FMO5: variants seen among roughly 807,000 people sequenced by gnomAD.
FMO5 encodes the protein flavin-containing monooxygenase 5.
In FMO5, 51 loss-of-function variants were observed where a neutral mutation model predicts 43.6. The observed-to-expected ratio is 1.17, with a 90% CI of 0.93 to 1.48. The LOEUF is 1.48. Ranked by LOEUF, FMO5 falls within the 40% of genes most tolerant of loss-of-function variation. The pLI is 0.00. For missense variants in FMO5, 644 were observed against 643.0 expected (o/e 1.00, Z -0.02); for synonymous variants, 187 against 216.5 (o/e 0.86, Z 1.20).
chr1:147,193,188 C>G lies in FMO5; in HGVS notation c.1184-2939G>C, dbSNP rs587720624. On this transcript the variant is annotated intron_variant, in intron 7 of 8. Transcript: ENST00000254090. ...ATTGATTATTGCCACAATTTCAGAGCCTGTTATTGGTCTATTCAGAGATTC... is the reference window on the plus strand; with the variant it reads ...ATTGATTATTGCCACAATTTCAGAGGCTGTTATTGGTCTATTCAGAGATTC... 8.9e-4 allele frequency among the ~76,000 whole-genome samples: 135 copies of G among 152,178 alleles called. 1 individual carries two copies. Among genetic ancestry groups the G allele is most frequent in the African/African-American group, 2.8e-3 (118 of 41,502 alleles).
chr1:147,198,872 A>AAAAAAAAAAG (rs1553920319), intron 7 of FMO5, among the ~76,000 whole-genome samples: 14 of 144,668 alleles, frequency 9.7e-5, no homozygotes, highest in African/African-American at 3.4e-4. Context: ...AAAAAAAAAA[A>AAAAAAAAAAG]AAAGAAAGAA....
At chr1:147,207,055 A>G (rs1326620608) in intron 6 of FMO5, among the ~76,000 whole-genome samples, 3 of 151,996 alleles carry the variant, frequency 2.0e-5, no homozygotes, top group African/African-American at 4.8e-5. Context: ...AAAAAATACT[A>G]TTAGGGCAAC....
At chr1:147,220,575 A>G (rs975318038) in intron 2 of FMO5, among the ~76,000 whole-genome samples, 2 of 152,246 alleles carry the variant, frequency 1.3e-5, no homozygotes, top group East Asian at 3.8e-4. Flanking sequence ...GCAACTTTAC[A>G]GTGTGGCAAA....
At chr1:147,191,757 T>G (rs587765727) in intron 7 of FMO5, among the ~76,000 whole-genome samples, 1 of 152,182 alleles carries the variant, frequency 6.6e-6, no homozygotes, top group South Asian at 2.1e-4. Context: ...GCACCATTTA[T>G]TAAATAGGGA....
Position 147,190,247 on chromosome 1 carries a change from G to T in FMO5, c.1186C>A (p.Leu396Ile). ...TCACTCTGTGAGGGCAATGTCTTTA[G>T]ACCTAAAAACAAAAATTAACATTTT... is the stretch of plus-strand genomic sequence containing the variant. ...GRWATQVFKG[L>I]KTLPSQSEMM... Residue 396 changes from leucine (L) to isoleucine (I), a missense_variant and splice_region_variant, in exon 8 of 9, where the codon CTA (leucine) becomes ATA (isoleucine). Leu to Ile is a conservative substitution (Grantham distance 5). Transcript: ENST00000254090. 6.3e-7 allele frequency: 1 copy of T among 1,599,904 alleles called. No homozygotes were observed. The highest frequency in any genetic ancestry group is 8.5e-7 in the Non-Finnish European group (1 of 1,170,026).
At position 147,213,216 on chromosome 1, in the gene FMO5, A is replaced by G. The variant is rs781371315; in HGVS notation, c.487+92T>C. On this transcript the variant is annotated intron_variant, in intron 4 of 8. Coordinates refer to ENST00000254090, the MANE Select transcript of FMO5 (RefSeq NM_001461.4). The stretch of plus-strand genomic sequence containing the variant: ...TAGGATAAGTCTTACTTCATTCCAA[A>G]GTAGGAATTACTCAGACCACAATCC... The G allele has an allele frequency of 1.2e-5, 12 of 1,033,388 alleles. No homozygotes were observed. The Admixed American group carries it at 1.4e-4, about 12-fold the overall frequency. 64.0% of individuals were successfully genotyped at this position (1,033,388 alleles called of 1,614,324 possible). A position where few individuals can be genotyped will look rare whatever the true frequency, so the allele number is the denominator to read the frequency against.
At chr1:147,216,727 T>A (rs1487520948) in intron 2 of FMO5, among the ~76,000 whole-genome samples, 1 of 152,202 alleles carries the variant, frequency 6.6e-6, no homozygotes, top group Non-Finnish European at 1.5e-5. Context: ...AAGTATGGTC[T>A]GTAGACTAGC....
chr1:147,200,357 G>T (rs1188127657), intron 7 of FMO5, among the ~76,000 whole-genome samples: 2 of 151,848 alleles, frequency 1.3e-5, no homozygotes, highest in Non-Finnish European at 2.9e-5. Context: ...TCTCTCTCCG[G>T]CTTTTTCAGT....
chr1:147,202,797 C>A lies in FMO5; in HGVS notation c.831-1293G>T, dbSNP rs80153696. Among the ~76,000 whole-genome samples the A allele has an allele frequency of 8.3e-3, 1,263 of 152,224 alleles. 22 individuals are homozygous for A. Among genetic ancestry groups the A allele is most frequent in the African/African-American group, 0.029 (1,223 of 41,522 alleles). ...TCATGATTTCATCTTTTTCTCCAAA[C>A]CTACTCCTTTTCACCAGCAGTACCA... On this transcript the variant is annotated intron_variant, in intron 6 of 8. Coordinates refer to ENST00000254090, the MANE Select transcript of FMO5 (RefSeq NM_001461.4).
chr1:147,204,375 T>C (rs1256145202), intron 6 of FMO5: 5 of 1,039,568 alleles, frequency 4.8e-6, no homozygotes, highest in African/African-American at 3.1e-5. Flanking sequence ...TAGATACGCA[T>C]GCCTGAACAA....
chr1:147,187,178 A>T lies in FMO5; in HGVS notation c.1324T>A (p.Leu442Met), dbSNP rs1287447390. Residue 442 changes from leucine to methionine, a missense_variant, in exon 9 of 9, where the codon TTG becomes ATG. By Grantham distance (15) the Leu-to-Met change is conservative. Coordinates refer to ENST00000254090, the MANE Select transcript of FMO5 (RefSeq NM_001461.4). ...AGCAGATTGGGCCTGACCCCCACCA[A>T]ATCAGCAAGCTCTTCCATGGTATCT... The part of the protein sequence containing the change: ...YIDTMEELAD[L>M]VGVRPNLLSL... 1 of 1,614,014 alleles carries T rather than the reference A, an allele frequency of 6.2e-7. No homozygotes were observed. Among genetic ancestry groups the T allele is most frequent in the Admixed American group, 1.7e-5 (1 of 59,998 alleles).
At chr1:147,207,792 C>G (rs1401456157) in intron 6 of FMO5, among the ~76,000 whole-genome samples, 2 of 152,146 alleles carry the variant, frequency 1.3e-5, no homozygotes, top group Non-Finnish European at 2.9e-5. Context: ...AAATCCCACC[C>G]TTAGGGCAAA....
chr1:147,225,339 C>G lies in FMO5; in HGVS notation c.-90G>C, dbSNP rs1389240119. ...CTTCAGCTGCGATCTGGAGGAGACT[C>G]AACAGGCGGCTGTTGTCAAATTACT... On this transcript the variant is annotated 5_prime_UTR_variant, in exon 1 of 9. Transcript: ENST00000254090. The G allele has an allele frequency of 5.7e-6, 2 of 349,344 alleles. No individual in the cohort carries two copies. The highest frequency in any genetic ancestry group is 1.0e-5 in the Non-Finnish European group (2 of 196,672). 21.6% of individuals were successfully genotyped at this position (349,344 alleles called of 1,614,324 possible).
chr1:147,204,394 GC>G, intron 6 of FMO5: 1 of 1,098,742 alleles, frequency 9.1e-7, no homozygotes, highest in Non-Finnish European at 1.4e-6. Context: ...AATAAGCTTG[GC>G]CAGAAATACT....
At chr1:147,191,860 A>G (rs1411855811) in intron 7 of FMO5, among the ~76,000 whole-genome samples, 1 of 152,006 alleles carries the variant, frequency 6.6e-6, no homozygotes, top group Non-Finnish European at 1.5e-5. Flanking sequence ...GTCCTGTTCC[A>G]TTGATCTATA....
chr1:147,215,433 A>G (rs1385540078), intron 3 of FMO5: 1 of 233,806 alleles, frequency 4.3e-6, no homozygotes, highest in Non-Finnish European at 8.3e-6. Flanking sequence ...TAAAGTTCCC[A>G]TACCTATCAG....
At position 147,188,775 on chromosome 1, in the gene FMO5, A is replaced by G. The variant is rs1254034073; in HGVS notation, c.1256+1402T>C. Among the ~76,000 whole-genome samples the G allele has an allele frequency of 2.6e-5, 4 of 151,076 alleles. No homozygotes were observed. In the East Asian group the frequency reaches 7.7e-4, roughly 29 times the overall value. Reference sequence around the variant, plus strand: ...CTATTTCAGAAGTTAAAAAAAAAAAAGGTTACATTATATCCTTGGGTTACT... The same window carrying G: ...CTATTTCAGAAGTTAAAAAAAAAAAGGGTTACATTATATCCTTGGGTTACT... On this transcript the variant is annotated intron_variant, in intron 8 of 8. Coordinates refer to ENST00000254090, the MANE Select transcript of FMO5 (RefSeq NM_001461.4).
chr1:147,191,150 G>T (rs1571157814), intron 7 of FMO5, among the ~76,000 whole-genome samples: 2 of 152,140 alleles, frequency 1.3e-5, no homozygotes, highest in Non-Finnish European at 2.9e-5. Context: ...ACATACGTGT[G>T]CATGTGTCTT....
chr1:147,218,375 A>G (rs1553925506), intron 2 of FMO5, among the ~76,000 whole-genome samples: 5 of 151,890 alleles, frequency 3.3e-5, no homozygotes, highest in Admixed American at 2.0e-4. Context: ...AGCTGGGCCT[A>G]CAGGCACGCG....
Sources: allele counts gnomAD v4.1 joint callset (sites outside exome capture counted in the v4.1 genomes callset), GRCh38; gene constraint gnomAD v4.1.1; transcripts MANE v1.5; gene names NCBI Gene and HGNC (gene_info 2026-07-23, HGNC 2026-07-21).